The following PTPRD variants were observed in gnomAD, a reference collection of about 807,000 sequenced individuals.
PTPRD encodes receptor-type tyrosine-protein phosphatase delta.
A neutral mutation model predicts 214.5 loss-of-function variants in PTPRD; 34 were observed. That is an observed-to-expected ratio of 0.16 (90% CI 0.12 to 0.21). The LOEUF is 0.21. PTPRD is among the 10% of genes least tolerant of loss of function. PTPRD has a pLI of 1.00. For synonymous variants in PTPRD, 1,128 were observed against 845.7 expected, an observed-to-expected ratio of 1.33 and a Z score of -5.79; for missense variants, 2,545 against 2,398.7, an observed-to-expected ratio of 1.06 and a Z score of -1.27.
At chr9:9,280,304 G>C (rs1947212751) in intron 9 of PTPRD, among the ~76,000 whole-genome samples, 1 of 151,042 alleles carries the variant, frequency 6.6e-6, no homozygotes, top group Admixed American at 6.6e-5. Context: ...TGAATTAATT[G>C]TACATATGAA....
chr9:8,558,448 C>T (rs7028009), intron 14 of PTPRD, among the ~76,000 whole-genome samples: 15,744 of 152,144 alleles, frequency 0.1, 2,403 homozygotes, highest in African/African-American at 0.34. Flanking sequence ...AGCCATGCCA[C>T]GTGCCACATC....
intron 5 of PTPRD, among the ~76,000 whole-genome samples, chr9:9,773,090 A>G (rs1368885297): frequency 6.6e-6 from 1 of 152,168 alleles, no homozygotes; most frequent in Non-Finnish European, 1.5e-5. Flanking sequence ...TGTCATATGA[A>G]TATCAAGTGA....
At chr9:9,984,900 C>T (rs542180547) in intron 4 of PTPRD, among the ~76,000 whole-genome samples, 3 of 152,164 alleles carry the variant, frequency 2.0e-5, no homozygotes, top group South Asian at 2.1e-4. Flanking sequence ...CATGCACACC[C>T]AAAAACCAAA....
Position 8,611,068 on chromosome 9 carries a change from G to A in PTPRD, c.352+22249C>T, listed in dbSNP as rs543192617. Among the ~76,000 whole-genome samples, 56 of 152,124 alleles carry A rather than the reference G, an allele frequency of 3.7e-4. 2 individuals are homozygous for A. Among genetic ancestry groups the A allele is most frequent in the African/African-American group, 1.3e-3 (53 of 41,510 alleles). On this transcript the variant is annotated intron_variant, in intron 14 of 45. Transcript: ENST00000381196. ...ATAAATACTAGGATACTCAAAACACGTGATGAAAAAATAACATATCCAAAA... is the reference window on the plus strand; with the variant it reads ...ATAAATACTAGGATACTCAAAACACATGATGAAAAAATAACATATCCAAAA...
At chr9:10,310,860 T>A (rs1251260883) in intron 3 of PTPRD, among the ~76,000 whole-genome samples, 1 of 152,200 alleles carries the variant, frequency 6.6e-6, no homozygotes, top group Admixed American at 6.6e-5. Flanking sequence ...ATTAATATGT[T>A]GTTACTCTGG....
At chr9:8,765,419 T>C (rs2094656530) in intron 11 of PTPRD, among the ~76,000 whole-genome samples, 1 of 152,214 alleles carries the variant, frequency 6.6e-6, no homozygotes, top group East Asian at 1.9e-4. Flanking sequence ...CCAACCTTCA[T>C]GTTCTAAGGA....
intron 9 of PTPRD, among the ~76,000 whole-genome samples, chr9:9,362,006 G>A (rs932546253): frequency 2.6e-5 from 4 of 150,960 alleles, no homozygotes; most frequent in African/African-American, 9.7e-5. Context: ...AGTCATTCTT[G>A]AGTCCAATCA....
chr9:8,887,187 C>G (rs568242925), intron 11 of PTPRD, among the ~76,000 whole-genome samples: 5 of 152,150 alleles, frequency 3.3e-5, no homozygotes, highest in Non-Finnish European at 2.9e-5. Context: ...GACTCCATAA[C>G]GCATGCTATT....
At chr9:9,217,132 G>T (rs535806813) in intron 9 of PTPRD, among the ~76,000 whole-genome samples, 1 of 152,162 alleles carries the variant, frequency 6.6e-6, no homozygotes, top group Non-Finnish European at 1.5e-5. Context: ...ATTCCACTGG[G>T]AGGCTGTAGG....
intron 8 of PTPRD, among the ~76,000 whole-genome samples, chr9:9,404,408 T>C (rs1382506068): frequency 6.6e-6 from 1 of 152,066 alleles, no homozygotes; most frequent in Admixed American, 6.6e-5. Context: ...ATCTGGAATA[T>C]ATTTTGAAGG....
At chr9:9,550,892 A>G (rs1314468338) in intron 8 of PTPRD, among the ~76,000 whole-genome samples, 2 of 152,000 alleles carry the variant, frequency 1.3e-5, no homozygotes, top group Non-Finnish European at 2.9e-5. Context: ...TCACAAGAAC[A>G]TATCACTACA....
At chr9:10,282,414 C>A (rs948494720) in intron 3 of PTPRD, among the ~76,000 whole-genome samples, 7 of 152,126 alleles carry the variant, frequency 4.6e-5, no homozygotes, top group Non-Finnish European at 8.8e-5. Flanking sequence ...AGATAAGTCA[C>A]TTAGACAAGA....
intron 9 of PTPRD, among the ~76,000 whole-genome samples, chr9:9,283,666 T>C (rs774228206): frequency 1.3e-5 from 2 of 151,462 alleles, no homozygotes; most frequent in African/African-American, 4.8e-5. Context: ...AGATTTATTA[T>C]TGAACAAAAA....
intron 43 of PTPRD, among the ~76,000 whole-genome samples, chr9:8,338,518 A>G (rs1018517451): frequency 6.6e-6 from 1 of 152,126 alleles, no homozygotes. Flanking sequence ...CTCTGGGTCC[A>G]TATGACCTAA....
intron 9 of PTPRD, among the ~76,000 whole-genome samples, chr9:9,358,958 A>G (rs982126614): frequency 2.0e-5 from 3 of 151,300 alleles, no homozygotes; most frequent in Non-Finnish European, 4.4e-5. Flanking sequence ...GGCTTCTAAA[A>G]ACAATTTCAG....
At chr9:9,764,262 C>T (rs1472432472) in intron 6 of PTPRD, among the ~76,000 whole-genome samples, 5 of 152,122 alleles carry the variant, frequency 3.3e-5, no homozygotes, top group African/African-American at 1.2e-4. Flanking sequence ...AATCTATCTA[C>T]ATTTTATAAT....
At chr9:8,717,195 A>G (rs904306094) in intron 12 of PTPRD, among the ~76,000 whole-genome samples, 1 of 152,168 alleles carries the variant, frequency 6.6e-6, no homozygotes, top group Non-Finnish European at 1.5e-5. Context: ...GTAACATATG[A>G]AAACTATGAT....
At chr9:9,954,085 C>T (rs934780924) in intron 4 of PTPRD, among the ~76,000 whole-genome samples, 21 of 151,774 alleles carry the variant, frequency 1.4e-4, no homozygotes, top group African/African-American at 5.1e-4. Flanking sequence ...TCACTGAGGT[C>T]AGAAGTTTGA....
intron 9 of PTPRD, among the ~76,000 whole-genome samples, chr9:9,350,568 T>A (rs1203245195): frequency 6.6e-6 from 1 of 152,098 alleles, no homozygotes; most frequent in African/African-American, 2.4e-5. Context: ...TGGTCATCAC[T>A]GTAAAATTTT....
Sources: allele counts gnomAD v4.1 joint callset (sites outside exome capture counted in the v4.1 genomes callset), GRCh38; gene constraint gnomAD v4.1.1; transcripts MANE v1.5; gene names NCBI Gene and HGNC (gene_info 2026-07-23, HGNC 2026-07-21).